The following CCSER1 variants were observed in gnomAD, a reference collection of about 807,000 sequenced individuals.
CCSER1 encodes the protein coiled-coil serine rich protein 1, also known as serine-rich coiled-coil domain-containing protein 1.
Under a neutral mutation model 82.0 loss-of-function variants are expected in CCSER1, and 41 were observed. That is an observed-to-expected ratio of 0.50 (90% confidence interval 0.39 to 0.65). The LOEUF (loss-of-function observed/expected upper bound fraction) is 0.65. CCSER1 is among the 30% of genes least tolerant of loss of function. The pLI is 0.00. For missense variants in CCSER1, 1,119 were observed against 1,064.2 expected (o/e 1.05, Z -0.72); for synonymous variants, 414 against 383.9 (o/e 1.08, Z -0.92).
At chr4:90,976,354 A>G (rs547616350) in intron 9 of CCSER1, among the ~76,000 whole-genome samples, 2 of 151,522 alleles carry the variant, frequency 1.3e-5, no homozygotes, top group African/African-American at 4.8e-5. Flanking sequence ...AAATGCAAAT[A>G]AAATAAGATT....
chr4:91,207,819 A>G (rs1415150955), intron 10 of CCSER1, among the ~76,000 whole-genome samples: 2 of 151,852 alleles, frequency 1.3e-5, no homozygotes, highest in East Asian at 1.9e-4. Flanking sequence ...GCTTTCCCCA[A>G]TGGTTGAACT....
At chr4:91,162,377 T>G (rs1028061673) in intron 10 of CCSER1, among the ~76,000 whole-genome samples, 43 of 152,370 alleles carry the variant, frequency 2.8e-4, no homozygotes, top group African/African-American at 1.0e-3. Flanking sequence ...TCAGGGATAC[T>G]CATCTAAAAT....
At chr4:91,543,707 G>A (rs1367745026) in intron 10 of CCSER1, among the ~76,000 whole-genome samples, 6 of 152,108 alleles carry the variant, frequency 3.9e-5, no homozygotes, top group Non-Finnish European at 8.8e-5. Flanking sequence ...TGGGTAACCC[G>A]ACCTGTCTCT....
chr4:90,928,804 A>G (rs2061015), intron 9 of CCSER1, among the ~76,000 whole-genome samples: 63,590 of 151,854 alleles, frequency 0.42, 13,795 homozygotes, highest in African/African-American at 0.53. Context: ...GCACTTTGTC[A>G]TTGCTGGAGC....
chr4:90,982,572 G>A (rs781517466), intron 9 of CCSER1, among the ~76,000 whole-genome samples: 13 of 151,610 alleles, frequency 8.6e-5, no homozygotes, highest in Non-Finnish European at 1.5e-4. Context: ...ATAGGGTGAG[G>A]GCAAAGGAAA....
chr4:91,076,516 CTT>C (rs1183623467), intron 9 of CCSER1, among the ~76,000 whole-genome samples: 1 of 152,014 alleles, frequency 6.6e-6, no homozygotes, highest in Non-Finnish European at 1.5e-5. Context: ...AAAGGATGAA[CTT>C]GGTATTGAGG....
chr4:90,357,190 T>A (rs1477014507), intron 3 of CCSER1, among the ~76,000 whole-genome samples: 1 of 151,914 alleles, frequency 6.6e-6, no homozygotes, highest in Non-Finnish European at 1.5e-5. Context: ...TAATAATCAC[T>A]TCTGAGATGG....
intron 8 of CCSER1, among the ~76,000 whole-genome samples, chr4:90,816,728 T>C (rs1239785989): frequency 6.6e-6 from 1 of 152,146 alleles, no homozygotes; most frequent in East Asian, 1.9e-4. Context: ...TTTTAATGAT[T>C]ATTTCAGACT....
intron 9 of CCSER1, among the ~76,000 whole-genome samples, chr4:90,975,400 C>A (rs1006566434): frequency 6.6e-6 from 1 of 151,126 alleles, no homozygotes; most frequent in African/African-American, 2.4e-5. Context: ...ATTTTACTAT[C>A]TATTGTACAT....
Position 91,020,827 on chromosome 4 carries a change from T to C in CCSER1, c.2173-65123T>C, listed in dbSNP as rs1424263607. ...GTATCCAAGGTACTTCTGTTTTCTC[T>C]GTTTTGTCTTGTTTTTTCTACTTGG... is the stretch of plus-strand genomic sequence containing the variant. On this transcript the variant is annotated intron_variant, in intron 9 of 10. Coordinates refer to ENST00000509176, the MANE Select transcript of CCSER1 (RefSeq NM_001145065.2). 2.0e-5 allele frequency among the ~76,000 whole-genome samples: 3 copies of C among 152,102 alleles called. No homozygotes were observed. In the South Asian group the frequency reaches 6.2e-4, roughly 31 times the overall value.
chr4:90,513,597 C>G (rs1416049496), intron 5 of CCSER1, among the ~76,000 whole-genome samples: 6 of 152,102 alleles, frequency 3.9e-5, no homozygotes, highest in Admixed American at 1.3e-4. Context: ...ATTCTCAGTG[C>G]TTGATTGATT....
intron 3 of CCSER1, among the ~76,000 whole-genome samples, chr4:90,345,108 C>T (rs991250232): frequency 1.8e-4 from 28 of 152,026 alleles, no homozygotes; most frequent in Non-Finnish European, 4.4e-5. Flanking sequence ...ATTGTCAAAA[C>T]TAAATATAAT....
At chr4:91,341,211 T>C (rs2149287828) in intron 10 of CCSER1, among the ~76,000 whole-genome samples, 1 of 152,334 alleles carries the variant, frequency 6.6e-6, no homozygotes, top group South Asian at 2.1e-4. Flanking sequence ...CTTAGGTTTT[T>C]ATTTTATTTT....
chr4:90,241,997 T>C (rs560177297), intron 1 of CCSER1, among the ~76,000 whole-genome samples: 14 of 152,244 alleles, frequency 9.2e-5, no homozygotes, highest in Non-Finnish European at 1.5e-4. Context: ...GAATTTACCT[T>C]TATCTACCAT....
At chr4:90,358,168 A>G (rs887310869) in intron 3 of CCSER1, among the ~76,000 whole-genome samples, 7 of 152,138 alleles carry the variant, frequency 4.6e-5, no homozygotes, top group Admixed American at 4.6e-4. Flanking sequence ...TAAATAATAC[A>G]TCAAATATTC....
intron 5 of CCSER1, among the ~76,000 whole-genome samples, chr4:90,580,299 A>G (rs933076984): frequency 6.6e-6 from 1 of 152,178 alleles, no homozygotes. Context: ...ACTTCAGGAA[A>G]GTCATTTTGC....
intron 9 of CCSER1, among the ~76,000 whole-genome samples, chr4:90,972,547 C>T (rs1735212196): frequency 6.6e-6 from 1 of 151,684 alleles, no homozygotes; most frequent in South Asian, 2.1e-4. Context: ...ATGAAGATAT[C>T]CCATGTTAAT....
intron 10 of CCSER1, among the ~76,000 whole-genome samples, chr4:91,510,290 T>C (rs1399233623): frequency 1.3e-5 from 2 of 152,208 alleles, no homozygotes; most frequent in Non-Finnish European, 2.9e-5. Flanking sequence ...ATCTTTGCTA[T>C]TGTGAATAGT....
chr4:90,554,890 G>C (rs1393414043), intron 5 of CCSER1, among the ~76,000 whole-genome samples: 3 of 152,174 alleles, frequency 2.0e-5, no homozygotes, highest in South Asian at 2.1e-4. Flanking sequence ...CTTCAAGTTA[G>C]TGAAGATGAG....
Sources: allele counts gnomAD v4.1 joint callset (sites outside exome capture counted in the v4.1 genomes callset), GRCh38; gene constraint gnomAD v4.1.1; transcripts MANE v1.5; gene names NCBI Gene and HGNC (gene_info 2026-07-23, HGNC 2026-07-21).